Variants in WBP4 observed in about 807,000 individuals in gnomAD.
WBP4 encodes WW domain-binding protein 4.
WBP4 carries 37 observed loss-of-function variants against 55.4 expected under a neutral mutation model. That is an observed-to-expected ratio of 0.67 (90% CI 0.51 to 0.88). The LOEUF is 0.88. Among genes scored for constraint, WBP4 ranks in the 40% least tolerant of loss-of-function variants. WBP4 has a pLI of 0.00. For synonymous variants in WBP4, 142 were observed against 140.2 expected, an observed-to-expected ratio of 1.01 and a Z score of -0.09; for missense variants, 398 against 420.8, an observed-to-expected ratio of 0.95 and a Z score of 0.47.
Position 41,061,513 on chromosome 13 carries a change from T to G in WBP4, c.-161T>G. On this transcript the variant is annotated 5_prime_UTR_variant, in exon 1 of 10. Transcript: ENST00000379487. Reference sequence around the variant, plus strand: ...GATTGGATCGTCTGGGCACCCGTAGTTGGGAACAGCGGAACGCTGGTCCCG... The same window carrying G: ...GATTGGATCGTCTGGGCACCCGTAGGTGGGAACAGCGGAACGCTGGTCCCG... 1 of 1,134,430 alleles carries G rather than the reference T, an allele frequency of 8.8e-7. No individual in the cohort carries two copies. The highest frequency in any genetic ancestry group is 1.4e-5 in the South Asian group (1 of 73,256). 70.3% of individuals were successfully genotyped at this position (1,134,430 alleles called of 1,614,324 possible). A position where few individuals can be genotyped will look rare whatever the true frequency, so the allele number is the denominator to read the frequency against.
intron 4 of WBP4, 78 bp from the exon 5 acceptor site, chr13:41,068,483 T>A: frequency 1.5e-6 from 2 of 1,348,820 alleles, no homozygotes; most frequent in Non-Finnish European, 9.8e-7. Flanking sequence ...TTGATTGGAA[T>A]AACATTAATG....
At chr13:41,062,330 CAGA>C in intron 1 of WBP4, 2 of 950,898 alleles carry the variant, frequency 2.1e-6, no homozygotes, top group Non-Finnish European at 2.5e-6. Context: ...CCCCCAAAGC[CAGA>C]AAGGATAAAT....
intron 5 of WBP4, among the ~76,000 whole-genome samples, chr13:41,070,737 A>C (rs1878205601): frequency 6.6e-6 from 1 of 152,104 alleles, no homozygotes; most frequent in Non-Finnish European, 1.5e-5. Flanking sequence ...GCAAGAAGTA[A>C]AGAAGGTGAG....
intron 1 of WBP4, 63 bp from the exon 2 acceptor site, chr13:41,062,581 C>A: frequency 1.4e-6 from 2 of 1,458,860 alleles, no homozygotes; most frequent in Non-Finnish European, 1.9e-6. Flanking sequence ...AACTGTAAAG[C>A]ATGCAGAATT....
intron 7 of WBP4, among the ~76,000 whole-genome samples, chr13:41,075,722 T>G (rs1321707746): frequency 6.6e-6 from 1 of 152,180 alleles, no homozygotes; most frequent in Non-Finnish European, 1.5e-5. Context: ...TCAGGAAATC[T>G]CTTGTTTGCT....
intron 8 of WBP4, among the ~76,000 whole-genome samples, chr13:41,079,107 A>G (rs1379031891): frequency 6.6e-6 from 1 of 152,202 alleles, no homozygotes; most frequent in Non-Finnish European, 1.5e-5. Context: ...TCAACAAGAA[A>G]AAAACAACTC....
In WBP4 at chr13:41,062,527, C is replaced by G. The variant is rs549952476; in HGVS notation, c.3-117C>G. On this transcript the variant is annotated intron_variant, in intron 1 of 9. Transcript: ENST00000379487. Reference sequence around the variant, plus strand: ...TAAATAATAAAACGACTATACATAACAAGACAAGATTCAGTAGCAGGGGCA... The same window carrying G: ...TAAATAATAAAACGACTATACATAAGAAGACAAGATTCAGTAGCAGGGGCA... The G allele has an allele frequency of 9.9e-5, 91 of 918,192 alleles. 1 individual carries two copies. In the Middle Eastern group the frequency reaches 1.1e-3, roughly 11 times the overall value. 56.9% of individuals were successfully genotyped at this position (918,192 alleles called of 1,614,324 possible).
chr13:41,072,706 T>A, intron 6 of WBP4, 76 bp from the exon 7 acceptor site: 4 of 1,312,494 alleles, frequency 3.0e-6, no homozygotes, highest in Non-Finnish European at 4.3e-6. Context: ...GAGGCAAGGG[T>A]GGCTGACTGT....
Position 41,068,667 on chromosome 13 carries a change from T to C in WBP4, c.369T>C (p.Pro123=). 1 of 1,613,714 alleles carries C rather than the reference T, an allele frequency of 6.2e-7. No individual in the cohort carries two copies. The highest frequency in any genetic ancestry group is 1.1e-5 in the South Asian group (1 of 91,038). ...KKEKKKRKKD[P]SKGRWVEGIT... ...AAAAGAAGAAAAGAAAAAAAGATCCTTCAAAGGGCAGATGGGTAGAAGGCA... is the reference window on the plus strand; with the variant it reads ...AAAAGAAGAAAAGAAAAAAAGATCCCTCAAAGGGCAGATGGGTAGAAGGCA... Residue 123 remains proline (P), a synonymous_variant, in exon 5 of 10, where the codon CCT becomes CCC. Transcript: ENST00000379487.
intron 9 of WBP4, among the ~76,000 whole-genome samples, chr13:41,082,394 T>G (rs1487644041): frequency 6.6e-6 from 1 of 152,050 alleles, no homozygotes; most frequent in South Asian, 2.1e-4. Context: ...GATTACAAGA[T>G]TGAGCCACCG....
chr13:41,076,201 C>A lies in WBP4; in HGVS notation c.720C>A (p.Val240=), dbSNP rs1475885745. The change falls in exon 8 of 10, where the codon GTC becomes GTA. Residue 240 remains valine (V), a synonymous_variant. Coordinates refer to ENST00000379487, the MANE Select transcript of WBP4 (RefSeq NM_007187.5). ...AACAGGAAGCAGAAGAAGGAGGGGT[C>A]TCTACAGAGACAGAAAAGCCAAAAA... ...DGEQEAEEGG[V]STETEKPKIK... The A allele has an allele frequency of 6.2e-7, 1 of 1,606,044 alleles. No homozygotes were observed.
chr13:41,068,914 A>G (rs1408710868), intron 5 of WBP4, among the ~76,000 whole-genome samples, 177 bp downstream of exon 5: 1 of 152,208 alleles, frequency 6.6e-6, no homozygotes, highest in Admixed American at 6.5e-5. Flanking sequence ...TACCCTTCTC[A>G]TAGTGACTAA....
At chr13:41,075,593 C>T (rs1278904892) in intron 7 of WBP4, among the ~76,000 whole-genome samples, 1 of 152,144 alleles carries the variant, frequency 6.6e-6, no homozygotes, top group Non-Finnish European at 1.5e-5. Flanking sequence ...GTTGCCCGGG[C>T]TGGTCTCACA....
At chr13:41,072,730 T>C (rs1878302679) in intron 6 of WBP4, 52 bp from the exon 7 acceptor site, 5 of 1,544,356 alleles carry the variant, frequency 3.2e-6, no homozygotes, top group African/African-American at 1.4e-5. Context: ...AGTTATTCAA[T>C]AGAAAATCAT....
Position 41,072,223 on chromosome 13 carries a change from A to T in WBP4, c.487-559A>T, listed in dbSNP as rs972793039. 3.3e-5 allele frequency among the ~76,000 whole-genome samples: 5 copies of T among 152,084 alleles called. No homozygotes were observed. In the South Asian group the frequency reaches 1.0e-3, roughly 32 times the overall value. On this transcript the variant is annotated intron_variant, in intron 6 of 9. Transcript: ENST00000379487. The stretch of plus-strand genomic sequence containing the variant: ...GAAAGTTGGTTCTTTATTAGCAAAA[A>T]CCAAGCTTCCTGGCCATGATTAGTA...
chr13:41,063,174 C>T (rs571803522), intron 2 of WBP4, among the ~76,000 whole-genome samples: 1 of 152,250 alleles, frequency 6.6e-6, no homozygotes, highest in East Asian at 1.9e-4. Context: ...TATTTCCTTT[C>T]TCATGAAACA....
intron 4 of WBP4, among the ~76,000 whole-genome samples, chr13:41,066,674 C>T (rs1360033384): frequency 6.6e-6 from 1 of 152,112 alleles, no homozygotes; most frequent in Non-Finnish European, 1.5e-5. Context: ...AAATGGTAGC[C>T]ACTGTTATTT....
chr13:41,064,080 A>G (rs904139489), intron 2 of WBP4, among the ~76,000 whole-genome samples: 1 of 148,276 alleles, frequency 6.7e-6, no homozygotes, highest in Non-Finnish European at 1.5e-5. Flanking sequence ...TTTTTTTTTC[A>G]TTTTCTTGCC....
In WBP4 at chr13:41,061,527, A is replaced by G. The variant is rs1877632407; in HGVS notation, c.-147A>G. 2 of 1,285,432 alleles carry G rather than the reference A, an allele frequency of 1.6e-6. No homozygotes were observed. The highest frequency in any genetic ancestry group is 1.4e-5 in the African/African-American group (1 of 69,158). The allele number at this position is 1,285,432 out of a possible 1,614,324, so 79.6% of individuals were successfully genotyped here. A position where few individuals can be genotyped will look rare whatever the true frequency, so the allele number is the denominator to read the frequency against. ...GGCACCCGTAGTTGGGAACAGCGGA[A>G]CGCTGGTCCCGGGGACTGAGTAAGG... On this transcript the variant is annotated 5_prime_UTR_variant, in exon 1 of 10. Coordinates refer to ENST00000379487, the MANE Select transcript of WBP4 (RefSeq NM_007187.5).
Sources: gnomAD v4.1 joint callset for allele counts (sites outside exome capture counted in the v4.1 genomes callset) on GRCh38, gnomAD v4.1.1 for gene constraint, MANE v1.5 for transcripts, NCBI Gene and HGNC (gene_info 2026-07-23, HGNC 2026-07-21) for gene names.